The following CSMD3 variants were observed in gnomAD, a reference collection of about 807,000 sequenced individuals.
CSMD3 encodes the protein CUB and Sushi multiple domains 3, also known as CUB and sushi domain-containing protein 3.
Under a neutral mutation model 435.2 loss-of-function variants are expected in CSMD3, and 177 were observed. That is an observed-to-expected ratio of 0.41 (90% CI 0.36 to 0.46). CSMD3 has a LOEUF of 0.46. Among genes scored for constraint, CSMD3 ranks in the 20% least tolerant of loss-of-function variants. CSMD3 has a pLI of 0.34. For missense variants in CSMD3, 4,265 were observed against 4,504.6 expected (o/e 0.95, Z 1.52); for synonymous variants, 1,656 against 1,520.5 (o/e 1.09, Z -2.07).
At chr8:112,266,931 A>G (rs137919183) in intron 59 of CSMD3, among the ~76,000 whole-genome samples, 2 of 152,278 alleles carry the variant, frequency 1.3e-5, no homozygotes, top group African/African-American at 4.8e-5. Context: ...TATACTTAAC[A>G]TGCCTTTTAG....
intron 20 of CSMD3, among the ~76,000 whole-genome samples, chr8:112,644,081 A>T (rs2074911608): frequency 6.6e-6 from 1 of 151,722 alleles, no homozygotes; most frequent in Non-Finnish European, 1.5e-5. Flanking sequence ...GAGCTAAAAA[A>T]AAGTACTTTT....
chr8:112,920,617 GT>G (rs1337021568), intron 10 of CSMD3, among the ~76,000 whole-genome samples: 1 of 151,636 alleles, frequency 6.6e-6, no homozygotes, highest in East Asian at 1.9e-4. Flanking sequence ...ATATCTGTTA[GT>G]TTTTTTAGTA....
chr8:113,274,849 G>C (rs1252012072), intron 3 of CSMD3, among the ~76,000 whole-genome samples: 6 of 133,668 alleles, frequency 4.5e-5, no homozygotes, highest in East Asian at 5.2e-4. Flanking sequence ...GAAAGAGAGA[G>C]AGAAAGAAAA....
At position 112,346,230 on chromosome 8, in the gene CSMD3, A is replaced by T; in HGVS notation, c.6326-17T>A. ...CACACTGAGCTGCAAAATAACAGAA[A>T]TCCAAAGTAAACCAGAGTAGAGGAA... On this transcript the variant is annotated splice_polypyrimidine_tract_variant and intron_variant, in intron 40 of 70. Transcript: ENST00000297405. 1 of 1,427,410 alleles carries T rather than the reference A, an allele frequency of 7.0e-7. No homozygotes were observed. Among genetic ancestry groups the T allele is most frequent in the Non-Finnish European group, 9.9e-7 (1 of 1,009,386 alleles). 88.4% of individuals were successfully genotyped at this position (1,427,410 alleles called of 1,614,324 possible).
At chr8:112,829,884 TG>T in intron 11 of CSMD3, 95 bp from the exon 12 acceptor site, 1 of 605,906 alleles carries the variant, frequency 1.7e-6, no homozygotes. Flanking sequence ...TTTGTCTCTC[TG>T]CACACACACA....
intron 9 of CSMD3, among the ~76,000 whole-genome samples, chr8:112,922,626 G>T (rs908990936): frequency 6.6e-6 from 1 of 151,906 alleles, no homozygotes. Context: ...GAGAACATGT[G>T]ATATTTGTCT....
chr8:113,302,404 A>G (rs2093779978), intron 2 of CSMD3, among the ~76,000 whole-genome samples: 1 of 149,242 alleles, frequency 6.7e-6, no homozygotes, highest in South Asian at 2.1e-4. Flanking sequence ...CTGACAGAGT[A>G]TGTATTCAGA....
At chr8:112,606,454 T>A (rs1391951339) in intron 22 of CSMD3, among the ~76,000 whole-genome samples, 1 of 152,162 alleles carries the variant, frequency 6.6e-6, no homozygotes, top group Non-Finnish European at 1.5e-5. Flanking sequence ...TACCATGAGA[T>A]GTATGGGATG....
Position 112,406,864 on chromosome 8 carries a change from A to G in CSMD3, c.5606-137T>C, listed in dbSNP as rs1831907453. 8.4e-6 allele frequency: 4 copies of G among 475,080 alleles called. No homozygotes were observed. The South Asian group carries it at 1.9e-4, about 22-fold the overall frequency. The allele number at this position is 475,080 out of a possible 1,614,324, so 29.4% of individuals were successfully genotyped here. A position where few individuals can be genotyped will look rare whatever the true frequency, so the allele number is the denominator to read the frequency against. ...GAATTAACAATTTGAATACATTCTT[A>G]AAGTTTTAAATTTCAGACAGAATAA... On this transcript the variant is annotated intron_variant, in intron 34 of 70. Coordinates refer to ENST00000297405, the MANE Select transcript of CSMD3 (RefSeq NM_198123.2).
chr8:113,190,192 T>C (rs1024876535), intron 3 of CSMD3, among the ~76,000 whole-genome samples: 18 of 151,920 alleles, frequency 1.2e-4, no homozygotes, highest in African/African-American at 4.3e-4. Flanking sequence ...CGCTAAAAAT[T>C]GGTCTTCAAA....
At chr8:112,903,875 C>T (rs1242976201) in intron 10 of CSMD3, among the ~76,000 whole-genome samples, 1 of 151,206 alleles carries the variant, frequency 6.6e-6, no homozygotes, top group Non-Finnish European at 1.5e-5. Context: ...TAAACAAATG[C>T]CAACTTTCTA....
intron 32 of CSMD3, among the ~76,000 whole-genome samples, chr8:112,410,714 A>ATATATATGTGTGTATATATATATG: frequency 9.4e-6 from 1 of 106,386 alleles, no homozygotes; most frequent in East Asian, 2.6e-4. Flanking sequence ...ATATATATAT[A>ATATATATGTGTGTATATATATATG]TGTATATATA....
chr8:113,429,785 C>T (rs2094659499), intron 1 of CSMD3, among the ~76,000 whole-genome samples: 1 of 152,108 alleles, frequency 6.6e-6, no homozygotes, highest in Admixed American at 6.6e-5. Context: ...AATGCCCTGT[C>T]ATCTAGTCTG....
intron 13 of CSMD3, among the ~76,000 whole-genome samples, chr8:112,726,560 A>G (rs1419931352): frequency 6.6e-6 from 1 of 151,894 alleles, no homozygotes; most frequent in East Asian, 1.9e-4. Context: ...CCTAGTATTA[A>G]GCAGAGTGTT....
At chr8:113,021,059 A>G (rs1286683625) in intron 5 of CSMD3, among the ~76,000 whole-genome samples, 1 of 152,140 alleles carries the variant, frequency 6.6e-6, no homozygotes, top group African/African-American at 2.4e-5. Context: ...CAATATGAAA[A>G]CATTGGGATA....
In CSMD3 at chr8:112,947,846, A is replaced by G. The variant is rs1233552316; in HGVS notation, c.1452T>C (p.Asn484=). 1 of 1,549,626 alleles carries G rather than the reference A, an allele frequency of 6.5e-7. No homozygotes were observed. The highest frequency in any genetic ancestry group is 8.9e-7 in the Non-Finnish European group (1 of 1,123,320). ...LNEGGIKTAS[N]LCPDPGEPEN... is the part of the protein sequence containing the mutation. ...CTGGTTCTCCTGGATCTGGGCATAA[A>G]TTGGAAGCTGTTTTAATACCTCCCT... Residue 484 remains asparagine (N), a synonymous_variant, in exon 9 of 71, where the codon AAT becomes AAC. Transcript: ENST00000297405.
At position 113,120,940 on chromosome 8, in the gene CSMD3, C is replaced by T. The variant is rs190283030; in HGVS notation, c.710-21977G>A. ...TAGACACCCACATTTACACGCAGGG[C>T]CTCAGAAACAACAATGCTTACGTTT... is the stretch of plus-strand genomic sequence containing the variant. On this transcript the variant is annotated intron_variant, in intron 4 of 70. Transcript: ENST00000297405. Among the ~76,000 whole-genome samples, 9 of 152,134 alleles carry T rather than the reference C, an allele frequency of 5.9e-5. No individual in the cohort carries two copies. In the East Asian group the frequency reaches 1.5e-3, roughly 26 times the overall value.
intron 10 of CSMD3, among the ~76,000 whole-genome samples, chr8:112,873,445 T>C (rs1488191277): frequency 6.6e-6 from 1 of 152,042 alleles, no homozygotes; most frequent in Non-Finnish European, 1.5e-5. Context: ...TATTGTCTTT[T>C]ATTTCTTAAT....
chr8:112,858,699 T>A (rs1351117335), intron 11 of CSMD3, among the ~76,000 whole-genome samples: 1 of 151,888 alleles, frequency 6.6e-6, no homozygotes, highest in East Asian at 1.9e-4. Flanking sequence ...TCTTTATTAG[T>A]GCAGAGCACA....
Sources: gnomAD v4.1 joint callset for allele counts (sites outside exome capture counted in the v4.1 genomes callset) on GRCh38, gnomAD v4.1.1 for gene constraint, MANE v1.5 for transcripts, NCBI Gene and HGNC (gene_info 2026-07-23, HGNC 2026-07-21) for gene names.